ADGRL2: variants seen among roughly 807,000 people sequenced by gnomAD.
The protein encoded by ADGRL2 is adhesion G protein-coupled receptor L2, also known as calcium-independent alpha-latrotoxin receptor 2.
Under a neutral mutation model 157.4 loss-of-function variants are expected in ADGRL2, and 44 were observed. The ratio of observed to expected loss-of-function variants is 0.28; its 90% confidence interval spans 0.22 to 0.36. The LOEUF (loss-of-function observed/expected upper bound fraction) is 0.36, where lower values mean the gene tolerates loss of function less well. ADGRL2 is among the 10% of genes least tolerant of loss of function. ADGRL2 has a pLI of 1.00. For missense variants in ADGRL2, 1,510 were observed against 1,768.9 expected, an observed-to-expected ratio of 0.85 and a Z score of 2.63; for synonymous variants, 585 against 624.7, an observed-to-expected ratio of 0.94 and a Z score of 0.95.
intron 1 of ADGRL2, among the ~76,000 whole-genome samples, chr1:81,412,069 A>C (rs559543841): frequency 2.6e-5 from 4 of 152,302 alleles, no homozygotes; most frequent in African/African-American, 9.6e-5. Context: ...CCAAATATAC[A>C]TAAGTTTTTC....
chr1:81,486,430 G>T lies in ADGRL2; in HGVS notation c.-248+41341G>T, dbSNP rs72941001. On this transcript the variant is annotated intron_variant, in intron 2 of 24. Coordinates refer to the ADGRL2 transcript ENST00000370721. ...ATCCAAAAGAGAATAGCAAAGCATT[G>T]ACATCTTTGTACTAACTACTTTGGG... Among the ~76,000 whole-genome samples the T allele has an allele frequency of 9.2e-3, 1,393 of 152,002 alleles. 31 individuals are homozygous for T. Among genetic ancestry groups the T allele is most frequent in the African/African-American group, 0.031 (1,298 of 41,462 alleles).
intron 1 of ADGRL2, among the ~76,000 whole-genome samples, chr1:81,410,688 T>C (rs549247269): frequency 1.1e-3 from 166 of 152,350 alleles, no homozygotes; most frequent in African/African-American, 3.8e-3. Context: ...AAGATTTGTA[T>C]AGTATTAGCA....
chr1:81,632,628 A>G (rs1025215741), intron 3 of ADGRL2, among the ~76,000 whole-genome samples: 48 of 152,190 alleles, frequency 3.2e-4, no homozygotes, highest in South Asian at 4.1e-4. Context: ...ATGTGGTGGC[A>G]GGCGCCTGTA....
At chr1:81,760,498 T>A (rs2085840278) in intron 1 of ADGRL2, among the ~76,000 whole-genome samples, 1 of 152,218 alleles carries the variant, frequency 6.6e-6, no homozygotes, top group African/African-American at 2.4e-5. Flanking sequence ...GGTGTCTAAT[T>A]TGAATGTTCT....
At chr1:81,470,185 C>T (rs2101861440) in intron 2 of ADGRL2, among the ~76,000 whole-genome samples, 1 of 152,328 alleles carries the variant, frequency 6.6e-6, no homozygotes, top group East Asian at 1.9e-4. Flanking sequence ...AGACCTAGGA[C>T]TGATAGTTAT....
At chr1:81,737,158 C>T (rs2084929007) in intron 1 of ADGRL2, among the ~76,000 whole-genome samples, 2 of 152,056 alleles carry the variant, frequency 1.3e-5, no homozygotes, top group African/African-American at 4.8e-5. Flanking sequence ...TAACCTCTTA[C>T]CAGGCTCCAA....
intron 9 of ADGRL2, among the ~76,000 whole-genome samples, chr1:81,952,705 C>T (rs1250388633): frequency 6.6e-6 from 1 of 151,404 alleles, no homozygotes; most frequent in Non-Finnish European, 1.5e-5. Flanking sequence ...AAATCTGTGC[C>T]TAATGTGGTT....
intron 21 of ADGRL2, among the ~76,000 whole-genome samples, chr1:81,986,316 A>G (rs1663140247): frequency 6.6e-6 from 1 of 152,138 alleles, no homozygotes; most frequent in Admixed American, 6.6e-5. Flanking sequence ...CTTGTTATAT[A>G]GAATTTGTGA....
rs111453490 is a variant in ADGRL2, at chr1:81,559,055, T to C, written c.-247-21821T>C. Among the ~76,000 whole-genome samples the C allele has an allele frequency of 3.6e-3, 545 of 152,238 alleles. 8 individuals carry two copies. Among genetic ancestry groups the C allele is most frequent in the African/African-American group, 0.012 (519 of 41,544 alleles). The stretch of plus-strand genomic sequence containing the variant: ...TTATTCCTATAATCTTCACCTCTGA[T>C]TTTTTCTGTCATTCTGTAAGGAGAC... On this transcript the variant is annotated intron_variant, in intron 2 of 24. Transcript: ENST00000370721.
chr1:81,979,629 A>G (rs905366232), intron 17 of ADGRL2, among the ~76,000 whole-genome samples: 1 of 151,772 alleles, frequency 6.6e-6, no homozygotes, highest in Non-Finnish European at 1.5e-5. Context: ...TTTCTAATTT[A>G]TTTAATCATT....
chr1:81,764,180 A>C (rs2086020721), intron 2 of ADGRL2, among the ~76,000 whole-genome samples: 1 of 124,346 alleles, frequency 8.0e-6, no homozygotes, highest in African/African-American at 3.0e-5. Context: ...TGACAGAGCG[A>C]GACTCTGTCA....
At chr1:81,745,364 T>C (rs1255623357) in intron 1 of ADGRL2, among the ~76,000 whole-genome samples, 1 of 152,188 alleles carries the variant, frequency 6.6e-6, no homozygotes, top group Non-Finnish European at 1.5e-5. Flanking sequence ...AATTGTAAGA[T>C]AGGAAAAACA....
At position 81,986,932 on chromosome 1, in the gene ADGRL2, T is replaced by A; in HGVS notation, c.3540T>A (p.Pro1180=). The A allele has an allele frequency of 6.2e-7, 1 of 1,611,020 alleles. No homozygotes were observed. The change falls in exon 22 of 24, where the codon CCT becomes CCA. Residue 1180 remains proline (P), a synonymous_variant. Transcript: ENST00000686636. ...CTGGCAATTACCTACTAACAAACCC[T>A]CTTCTTCGACCCCACGGCACTAACA... ...GMTGNYLLTN[P]LLRPHGTNNP... is the part of the protein sequence containing the mutation.
intron 2 of ADGRL2, among the ~76,000 whole-genome samples, chr1:81,485,688 C>A (rs1011607418): frequency 6.6e-5 from 10 of 152,122 alleles, no homozygotes; most frequent in African/African-American, 2.4e-4. Flanking sequence ...AGCCTTGTGA[C>A]CTTTCTGCAT....
At chr1:81,805,866 A>AT (rs1489579389) in intron 1 of ADGRL2, among the ~76,000 whole-genome samples, 1 of 152,080 alleles carries the variant, frequency 6.6e-6, no homozygotes, top group East Asian at 1.9e-4. Context: ...TAATCTAAAA[A>AT]TTGTCTTGAA....
intron 2 of ADGRL2, among the ~76,000 whole-genome samples, chr1:81,873,498 T>C (rs1012644961): frequency 1.3e-5 from 2 of 152,118 alleles, no homozygotes; most frequent in African/African-American, 4.8e-5. Flanking sequence ...TTATAAATGA[T>C]AGATCAGAGT....
chr1:81,935,592 G>A (rs2095299021), intron 3 of ADGRL2, among the ~76,000 whole-genome samples: 1 of 151,788 alleles, frequency 6.6e-6, no homozygotes, highest in African/African-American at 2.4e-5. Flanking sequence ...TCTTTATAGT[G>A]CTATTTTATA....
intron 2 of ADGRL2, among the ~76,000 whole-genome samples, chr1:81,873,685 A>G (rs1287043520): frequency 6.6e-6 from 1 of 152,130 alleles, no homozygotes; most frequent in Non-Finnish European, 1.5e-5. Flanking sequence ...AAACTTGGAT[A>G]GTATATTCTA....
At chr1:81,528,418 G>A (rs921689567) in intron 2 of ADGRL2, among the ~76,000 whole-genome samples, 3 of 151,972 alleles carry the variant, frequency 2.0e-5, no homozygotes, top group Non-Finnish European at 2.9e-5. Flanking sequence ...AGGCCGAGGC[G>A]AGTGGATTCA....
Sources: gnomAD v4.1 joint callset for allele counts (sites outside exome capture counted in the v4.1 genomes callset) on GRCh38, gnomAD v4.1.1 for gene constraint, MANE v1.5 for transcripts, NCBI Gene and HGNC (gene_info 2026-07-23, HGNC 2026-07-21) for gene names.